The following VPS50 variants were observed in gnomAD, a reference collection of about 807,000 sequenced individuals.
VPS50 encodes syndetin.
VPS50 carries 70 observed loss-of-function variants against 139.7 expected under a neutral mutation model. The observed-to-expected ratio is 0.50, with a 90% CI of 0.41 to 0.61. VPS50 has a LOEUF of 0.61. VPS50 is among the 20% of genes least tolerant of loss of function. VPS50 has a pLI of 0.00. For missense variants in VPS50, 921 were observed against 1,133.7 expected, an observed-to-expected ratio of 0.81 and a Z score of 2.69; for synonymous variants, 365 against 376.7, an observed-to-expected ratio of 0.97 and a Z score of 0.36.
At position 93,358,547 on chromosome 7, in the gene VPS50, A is replaced by G. The variant is rs140358038; in HGVS notation, c.*111A>G. On this transcript the variant is annotated 3_prime_UTR_variant, in exon 28 of 28. Transcript: ENST00000305866. ...ACTATCTGCTAAGAAAACTTTGTGC[A>G]TGTTTTTTTGACTGGAAAGTGGAAA... 146 of 891,314 alleles carry G rather than the reference A, an allele frequency of 1.6e-4. No individual in the cohort carries two copies. In the African/African-American group the frequency reaches 2.3e-3, roughly 14 times the overall value. The allele number at this position is 891,314 out of a possible 1,614,324, so 55.2% of individuals were successfully genotyped here. A position where few individuals can be genotyped will look rare whatever the true frequency, so the allele number is the denominator to read the frequency against.
intron 16 of VPS50, among the ~76,000 whole-genome samples, chr7:93,302,979 C>T (rs1211015393): frequency 1.3e-5 from 2 of 151,952 alleles, no homozygotes; most frequent in Non-Finnish European, 2.9e-5. Flanking sequence ...AGGCACTGAG[C>T]TAAACATTTT....
chr7:93,282,642 A>G, intron 12 of VPS50, among the ~76,000 whole-genome samples: 1 of 152,230 alleles, frequency 6.6e-6, no homozygotes, highest in East Asian at 1.9e-4. Context: ...TATCAAAAAT[A>G]ATTTGTGTTG....
chr7:93,310,606 T>C (rs1797239418), intron 19 of VPS50, among the ~76,000 whole-genome samples: 1 of 152,068 alleles, frequency 6.6e-6, no homozygotes, highest in Non-Finnish European at 1.5e-5. Context: ...TTGCCTCCTT[T>C]CTTGTCACTT....
At chr7:93,278,394 G>C (rs1371992604) in intron 12 of VPS50, among the ~76,000 whole-genome samples, 1 of 151,246 alleles carries the variant, frequency 6.6e-6, no homozygotes, top group Non-Finnish European at 1.5e-5. Context: ...TTCAAGACCA[G>C]CCTGGACAAC....
chr7:93,311,828 G>A (rs1797277562), intron 20 of VPS50, among the ~76,000 whole-genome samples: 1 of 151,842 alleles, frequency 6.6e-6, no homozygotes. Context: ...AGGATGATGT[G>A]GATTTTTTTA....
intron 18 of VPS50, 85 bp downstream of exon 18, chr7:93,306,089 GTA>G (rs1301166639): frequency 1.0e-6 from 1 of 974,900 alleles, no homozygotes; most frequent in African/African-American, 1.6e-5. Context: ...CTACATTTAC[GTA>G]TCCATTTACT....
At chr7:93,300,821 A>T (rs1234844138) in intron 16 of VPS50, among the ~76,000 whole-genome samples, 2 of 151,812 alleles carry the variant, frequency 1.3e-5, no homozygotes, top group Admixed American at 1.3e-4. Context: ...AAAAGTAAAA[A>T]TATATATGAT....
chr7:93,247,613 G>A (rs1391878790), intron 2 of VPS50, among the ~76,000 whole-genome samples: 1 of 151,798 alleles, frequency 6.6e-6, no homozygotes, highest in African/African-American at 2.4e-5. Flanking sequence ...ATGTTCTGCT[G>A]TGCATTGTCA....
chr7:93,246,145 C>G, intron 2 of VPS50: 1 of 1,429,130 alleles, frequency 7.0e-7, no homozygotes, highest in South Asian at 1.2e-5. Context: ...ATTATAGCTT[C>G]CGTTTTCCCT....
intron 1 of VPS50, among the ~76,000 whole-genome samples, chr7:93,237,581 A>T (rs549708259): frequency 4.1e-4 from 63 of 152,342 alleles, no homozygotes; most frequent in Middle Eastern, 3.4e-3. Context: ...CTCTGGGGAA[A>T]GAGAAATTAA....
intron 21 of VPS50, among the ~76,000 whole-genome samples, chr7:93,324,130 C>T (rs1449637674): frequency 1.3e-5 from 2 of 152,088 alleles, no homozygotes; most frequent in Non-Finnish European, 2.9e-5. Context: ...TATAAGAATG[C>T]TTGTGATTTT....
intron 26 of VPS50, 25 bp from the exon 27 acceptor site, chr7:93,355,864 ATT>A (rs374667557): frequency 2.2e-6 from 3 of 1,379,074 alleles, no homozygotes; most frequent in Non-Finnish European, 3.0e-6. Flanking sequence ...CCTATAATGT[ATT>A]TTTTTTTATT....
chr7:93,317,723 T>C (rs1391553310), intron 20 of VPS50, among the ~76,000 whole-genome samples: 3 of 152,264 alleles, frequency 2.0e-5, no homozygotes, highest in African/African-American at 7.2e-5. Flanking sequence ...TTCCTTTCTG[T>C]TATTTTCCTA....
intron 22 of VPS50, 36 bp downstream of exon 22, chr7:93,334,233 T>C: frequency 8.6e-7 from 1 of 1,163,362 alleles, no homozygotes; most frequent in Non-Finnish European, 1.3e-6. Context: ...TTTTGGATTA[T>C]ATAAAATGGA....
intron 23 of VPS50, among the ~76,000 whole-genome samples, chr7:93,343,729 A>C (rs1268812691): frequency 6.6e-6 from 1 of 152,142 alleles, no homozygotes; most frequent in East Asian, 1.9e-4. Context: ...CAGCCAAACT[A>C]AGCTTCATAA....
chr7:93,349,082 G>T (rs1221953522), intron 24 of VPS50, among the ~76,000 whole-genome samples: 1 of 152,170 alleles, frequency 6.6e-6, no homozygotes, highest in Non-Finnish European at 1.5e-5. Flanking sequence ...TGCCATGAGT[G>T]TATTTAACCC....
intron 21 of VPS50, among the ~76,000 whole-genome samples, chr7:93,324,208 A>G (rs1797701187): frequency 6.6e-6 from 1 of 152,348 alleles, no homozygotes; most frequent in South Asian, 2.1e-4. Flanking sequence ...GGGGTTTTCT[A>G]GATATACAAT....
chr7:93,295,049 A>G (rs1427444147), intron 14 of VPS50, among the ~76,000 whole-genome samples: 1 of 152,180 alleles, frequency 6.6e-6, no homozygotes, highest in Non-Finnish European at 1.5e-5. Context: ...ATAGTTTAGA[A>G]TGAATAATTC....
At chr7:93,328,745 C>T (rs1009672624) in intron 21 of VPS50, among the ~76,000 whole-genome samples, 3 of 152,048 alleles carry the variant, frequency 2.0e-5, no homozygotes, top group African/African-American at 7.2e-5. Flanking sequence ...TTTTTATGGA[C>T]TGGAGAATCA....
Sources: allele counts gnomAD v4.1 joint callset (sites outside exome capture counted in the v4.1 genomes callset), GRCh38; gene constraint gnomAD v4.1.1; transcripts MANE v1.5; gene names NCBI Gene and HGNC (gene_info 2026-07-23, HGNC 2026-07-21).